Variants in SOAT1 observed in about 807,000 individuals in gnomAD.
SOAT1 encodes the protein acyl-coenzyme A:cholesterol acyltransferase 1.
A neutral mutation model predicts 69.5 loss-of-function variants in SOAT1; 55 were observed. The observed-to-expected ratio is 0.79, with a 90% CI of 0.64 to 0.99. SOAT1 has a LOEUF of 0.99. Among genes scored for constraint, SOAT1 ranks in the 50% least tolerant of loss-of-function variants. The pLI is 0.00. For missense variants in SOAT1, 580 were observed against 669.3 expected (o/e 0.87, Z 1.47); for synonymous variants, 231 against 224.7 (o/e 1.03, Z -0.25).
At chr1:179,324,499 A>G (rs1665711510) in intron 3 of SOAT1, among the ~76,000 whole-genome samples, 1 of 152,182 alleles carries the variant, frequency 6.6e-6, no homozygotes, top group Non-Finnish European at 1.5e-5. Context: ...GTAATTCCTT[A>G]TGGTACTGCT....
Position 179,323,494 on chromosome 1 carries a change from A to T in SOAT1, c.176A>T (p.Glu59Val). Reference protein sequence around the residue: ...AKKIKLTAEAEELKPFFMKEV... With the variant: ...AKKIKLTAEAVELKPFFMKEV... ...AAGATAAAGTTGACAGCAGAGGCAG[A>T]GGCAAGTAACTCCCTCTTCTAGAAA... Residue 59 changes from glutamate (E) to valine (V), a missense_variant and splice_region_variant, in exon 3 of 16, where the codon GAG becomes GTG. Transcript: ENST00000367619. 1 of 1,613,352 alleles carries T rather than the reference A, an allele frequency of 6.2e-7. No homozygotes were observed. Among genetic ancestry groups the T allele is most frequent in the East Asian group, 2.2e-5 (1 of 44,854 alleles).
chr1:179,302,956 C>A (rs1231053446), intron 2 of SOAT1, among the ~76,000 whole-genome samples, 154 bp downstream of exon 2: 3 of 151,122 alleles, frequency 2.0e-5, no homozygotes, highest in South Asian at 4.2e-4. Context: ...GACAATAAGT[C>A]CTTTCTCGTT....
intron 2 of SOAT1, among the ~76,000 whole-genome samples, chr1:179,313,212 A>T (rs1665276860): frequency 6.6e-6 from 1 of 152,212 alleles, no homozygotes; most frequent in Non-Finnish European, 1.5e-5. Context: ...TTCTCCTGTT[A>T]TCACAGTAGA....
chr1:179,303,316 CACGTTTGCTTAATGCCTG>C (rs1253972340), intron 2 of SOAT1, among the ~76,000 whole-genome samples: 1 of 152,050 alleles, frequency 6.6e-6, no homozygotes, highest in Non-Finnish European at 1.5e-5. Flanking sequence ...TTCTTGTATC[CACGTTTGCTTAATGCCTG>C]ACTACAAAGA....
intron 15 of SOAT1, among the ~76,000 whole-genome samples, chr1:179,353,126 T>A (rs372604493): frequency 7.7e-6 from 1 of 129,222 alleles, no homozygotes; most frequent in African/African-American, 2.8e-5. Context: ...ATATTTATAT[T>A]TATATATTTA....
chr1:179,349,412 C>G (rs1390081877), intron 13 of SOAT1, among the ~76,000 whole-genome samples: 1 of 150,574 alleles, frequency 6.6e-6, no homozygotes, highest in Non-Finnish European at 1.5e-5. Flanking sequence ...ACTGCAACCT[C>G]CTCCTCCCGG....
intron 2 of SOAT1, among the ~76,000 whole-genome samples, chr1:179,318,803 T>C (rs951274924): frequency 2.0e-5 from 3 of 152,254 alleles, no homozygotes; most frequent in African/African-American, 7.2e-5. Flanking sequence ...TTTCTTTTGG[T>C]TTATTGTTAA....
At chr1:179,294,825 G>A (rs1223009947) in intron 1 of SOAT1, among the ~76,000 whole-genome samples, 1 of 152,212 alleles carries the variant, frequency 6.6e-6, no homozygotes, top group African/African-American at 2.4e-5. Flanking sequence ...GAGCCACCGC[G>A]CCTGGCCTGT....
chr1:179,302,763 A>C lies in SOAT1; in HGVS notation c.79A>C (p.Arg27=). The C allele has an allele frequency of 1.9e-6, 3 of 1,607,202 alleles. No homozygotes were observed. The highest frequency in any genetic ancestry group is 2.5e-6 in the Non-Finnish European group (3 of 1,178,352). Reference sequence around the variant, plus strand: ...AAATCCTGAGGAAGATGAAGACCAGAGAAACCCTGCAAAGGAGTCCCTAGA... The same window carrying C: ...AAATCCTGAGGAAGATGAAGACCAGCGAAACCCTGCAAAGGAGTCCCTAGA... The part of the protein sequence containing the change: ...RENPEEDEDQ[R]NPAKESLETP... Residue 27 remains arginine, a synonymous_variant, in exon 2 of 16, where the codon AGA becomes CGA. Transcript: ENST00000367619.
chr1:179,307,099 C>T (rs1462265149), intron 2 of SOAT1, among the ~76,000 whole-genome samples: 2 of 152,110 alleles, frequency 1.3e-5, no homozygotes, highest in Non-Finnish European at 2.9e-5. Context: ...GTGCAGTTGG[C>T]AGTTGTGAGT....
At chr1:179,349,174 A>G (rs1666637021) in intron 13 of SOAT1, among the ~76,000 whole-genome samples, 1 of 152,068 alleles carries the variant, frequency 6.6e-6, no homozygotes. Flanking sequence ...TTTTGCTCTG[A>G]ATTTTATCTT....
intron 2 of SOAT1, among the ~76,000 whole-genome samples, chr1:179,320,770 C>G (rs1426004353): frequency 6.6e-6 from 1 of 152,072 alleles, no homozygotes; most frequent in Non-Finnish European, 1.5e-5. Context: ...GAGTCTCGCT[C>G]TGTTGCTCAA....
At chr1:179,328,110 T>A (rs1034882794) in intron 3 of SOAT1, among the ~76,000 whole-genome samples, 1 of 152,194 alleles carries the variant, frequency 6.6e-6, no homozygotes, top group Non-Finnish European at 1.5e-5. Flanking sequence ...TTGTTGTTGT[T>A]TTTAACAGAA....
At chr1:179,325,185 T>C (rs1321558894) in intron 3 of SOAT1, among the ~76,000 whole-genome samples, 2 of 145,528 alleles carry the variant, frequency 1.4e-5, no homozygotes, top group South Asian at 2.2e-4. Context: ...AGTCTCGCTC[T>C]GTTGCCCAGG....
At chr1:179,335,961 T>C (rs1270895269) in intron 4 of SOAT1, among the ~76,000 whole-genome samples, 4 of 152,056 alleles carry the variant, frequency 2.6e-5, no homozygotes, top group African/African-American at 4.8e-5. Context: ...GAGTTCAAGA[T>C]TAGCCTGGCC....
Position 179,358,572 on chromosome 1 carries a change from G to C in SOAT1, c.*4931G>C, listed in dbSNP as rs1268984793. On this transcript the variant is annotated 3_prime_UTR_variant, in exon 16 of 16. Transcript: ENST00000367619. ...CTTTGCCATTTGGGGTAATGCAGCA[G>C]ATTCCTGTGTCTGTATCTTTCCAGT... is the stretch of plus-strand genomic sequence containing the variant. The C allele has an allele frequency of 2.0e-5, 3 of 152,220 alleles. No individual in the cohort carries two copies. The highest frequency in any genetic ancestry group is 4.4e-5 in the Non-Finnish European group (3 of 68,050). The allele number at this position is 152,220 out of a possible 1,614,324, so 9.4% of individuals were successfully genotyped here. A position where few individuals can be genotyped will look rare whatever the true frequency, so the allele number is the denominator to read the frequency against.
chr1:179,338,422 A>T (rs866739711), intron 5 of SOAT1, among the ~76,000 whole-genome samples: 2 of 152,220 alleles, frequency 1.3e-5, no homozygotes, highest in African/African-American at 4.8e-5. Context: ...GGCTGTCTCA[A>T]TAAAAAAAAG....
chr1:179,342,323 TTCTC>T (rs750083951), intron 8 of SOAT1, 131 bp downstream of exon 8: 49 of 569,654 alleles, frequency 8.6e-5, no homozygotes, highest in African/African-American at 7.5e-4. Context: ...CTCTTTCTCT[TTCTC>T]TCTCTCTCTC....
intron 2 of SOAT1, among the ~76,000 whole-genome samples, 175 bp downstream of exon 2, chr1:179,302,977 G>T (rs1028451010): frequency 6.6e-6 from 1 of 152,052 alleles, no homozygotes; most frequent in Non-Finnish European, 1.5e-5. Flanking sequence ...AATTAATTTG[G>T]TGGTCATCTA....
Sources: allele counts gnomAD v4.1 joint callset (sites outside exome capture counted in the v4.1 genomes callset), GRCh38; gene constraint gnomAD v4.1.1; transcripts MANE v1.5; gene names NCBI Gene and HGNC (gene_info 2026-07-23, HGNC 2026-07-21).